Variants in KCTD14 observed in about 807,000 individuals in gnomAD.
The protein encoded by KCTD14 is BTB/POZ domain-containing protein KCTD14.
KCTD14 carries 7 observed loss-of-function variants against 5.9 expected under a neutral mutation model. The ratio of observed to expected loss-of-function variants is 1.19; its 90% confidence interval spans 0.68 to 2.23. The LOEUF (loss-of-function observed/expected upper bound fraction) is 2.23. Among genes scored for constraint, KCTD14 ranks in the 30% most tolerant of loss-of-function variants. The probability of loss-of-function intolerance (pLI) is 0.00; values close to 1 mark genes in which losing one functional copy is unlikely to be tolerated. For synonymous variants in KCTD14, 140 were observed against 133.1 expected (o/e 1.05, Z -0.36); for missense variants, 342 against 332.2 (o/e 1.03, Z -0.23).
In KCTD14 at chr11:78,016,432, A is replaced by G; in HGVS notation, c.*161T>C. Reference sequence around the variant, plus strand: ...AATATAGTGGCATCAGTTGCAATGGAGTGGAAAGTCCTTAAACGAGTGATC... The same window carrying G: ...AATATAGTGGCATCAGTTGCAATGGGGTGGAAAGTCCTTAAACGAGTGATC... On this transcript the variant is annotated 3_prime_UTR_variant, in exon 2 of 2. Transcript: ENST00000353172. The G allele has an allele frequency of 1.6e-6, 1 of 630,740 alleles. No homozygotes were observed. The highest frequency in any genetic ancestry group is 2.7e-6 in the Non-Finnish European group (1 of 365,194). 39.1% of individuals were successfully genotyped at this position (630,740 alleles called of 1,614,324 possible). A position where few individuals can be genotyped will look rare whatever the true frequency, so the allele number is the denominator to read the frequency against.
chr11:78,026,037 AT>A (rs1373469231), upstream of KCTD14, among the ~76,000 whole-genome samples: 3 of 152,216 alleles, frequency 2.0e-5, no homozygotes, highest in Non-Finnish European at 2.9e-5. Context: ...TTAAAAGTTT[AT>A]TTTGCCAAGG....
intron 2 of KCTD14, among the ~76,000 whole-genome samples, chr11:78,028,726 A>G (rs1333408614): frequency 1.3e-5 from 2 of 152,094 alleles, no homozygotes; most frequent in East Asian, 3.8e-4. Context: ...AGATCAGTTG[A>G]GCCCAGGAGT....
rs566309215 is a variant in KCTD14, at chr11:78,028,343, G to A, written c.-1+10321C>T. Among the ~76,000 whole-genome samples the A allele has an allele frequency of 3.2e-4, 48 of 152,208 alleles. No homozygotes were observed. The South Asian group carries it at 6.4e-3, about 20-fold the overall frequency. ...TAAGGGGCCAGGAGCAGTGGCTCGC[G>A]CCTGTAATCCCAGCACTTTGGGAGG... On this transcript the variant is annotated intron_variant, in intron 2 of 2. Coordinates refer to the KCTD14 transcript ENST00000533144.
intron 2 of KCTD14, among the ~76,000 whole-genome samples, chr11:78,033,901 G>GTACATATATATA (rs1555054301): frequency 3.5e-5 from 4 of 115,590 alleles, no homozygotes; most frequent in African/African-American, 1.0e-4. Context: ...GTGTGTGTGT[G>GTACATATATATA]TATATATATA....
At chr11:78,032,703 C>CTTTT (rs35820886) in intron 2 of KCTD14, among the ~76,000 whole-genome samples, 10 of 123,496 alleles carry the variant, frequency 8.1e-5, no homozygotes, top group Non-Finnish European at 1.1e-4. Flanking sequence ...TGATCTACTT[C>CTTTT]TTTTTTTTTT....
intron 1 of KCTD14, among the ~76,000 whole-genome samples, chr11:78,039,981 T>C (rs1370154310): frequency 6.6e-6 from 1 of 152,236 alleles, no homozygotes; most frequent in Non-Finnish European, 1.5e-5. Context: ...GCTAAGGCAC[T>C]GTGCAAGGAG....
At chr11:78,017,422 A>G (rs990676900) in intron 1 of KCTD14, 152 bp from the exon 2 acceptor site, 1 of 984,366 alleles carries the variant, frequency 1.0e-6, no homozygotes, top group African/African-American at 1.7e-5. Context: ...AGAGGGTTAT[A>G]TTTATGCTGT....
At chr11:78,022,806 A>C in intron 1 of KCTD14, 2 of 213,888 alleles carry the variant, frequency 9.4e-6, no homozygotes, top group Non-Finnish European at 1.9e-5. Context: ...ACCGGGAGCA[A>C]GGGAGAAGGT....
rs116953001 is a variant in KCTD14 at position 78,023,160 on chromosome 11, C to T, written c.90G>A (p.Thr30=). The stretch of plus-strand genomic sequence containing the variant: ...GGGACGCAGCTAGCCTCGCACTTAC[C>T]GTTGGCCGCCTGGGCCGGGGGGACT... ...LPQSPRPRRP[T]MSTVVELNVG... Residue 30 remains threonine (T), a splice_region_variant and synonymous_variant, in exon 1 of 2, where the codon ACG becomes ACA. Transcript: ENST00000353172. 1.9e-6 allele frequency: 3 copies of T among 1,583,374 alleles called. No homozygotes were observed. Among genetic ancestry groups the T allele is most frequent in the South Asian group, 2.2e-5 (2 of 89,516 alleles).
chr11:78,023,323 A>C (rs146526256), upstream of KCTD14: 2,717 of 1,477,748 alleles, frequency 1.8e-3, 58 homozygotes, highest in East Asian at 0.052. Context: ...TCAAGGCGGG[A>C]CGGGGCTGAG....
chr11:78,026,140 G>A (rs1345121200), upstream of KCTD14, among the ~76,000 whole-genome samples: 4 of 152,118 alleles, frequency 2.6e-5, no homozygotes, highest in Non-Finnish European at 4.4e-5. Flanking sequence ...TATTCAAGGA[G>A]ACATAAGACA....
chr11:78,041,546 A>C (rs1857993367), intron 1 of KCTD14, among the ~76,000 whole-genome samples: 1 of 152,224 alleles, frequency 6.6e-6, no homozygotes, highest in Non-Finnish European at 1.5e-5. Context: ...GATGATCAGG[A>C]TATAAACCCA....
chr11:78,028,928 G>T (rs2136729478), intron 2 of KCTD14, among the ~76,000 whole-genome samples: 1 of 152,090 alleles, frequency 6.6e-6, no homozygotes, highest in Non-Finnish European at 1.5e-5. Context: ...GTCAGGCACA[G>T]TGGCTCAGCA....
upstream of KCTD14, among the ~76,000 whole-genome samples, chr11:78,024,673 C>T (rs1472543936): frequency 2.6e-5 from 4 of 151,128 alleles, no homozygotes; most frequent in East Asian, 3.9e-4. Flanking sequence ...GGGTTGGACA[C>T]GGTTGCTCAC....
chr11:78,018,137 G>A (rs117285897), intron 1 of KCTD14, among the ~76,000 whole-genome samples: 6 of 152,178 alleles, frequency 3.9e-5, no homozygotes, highest in Admixed American at 2.6e-4. Context: ...ACAGAAGAAC[G>A]TTATGGGAAG....
At chr11:78,038,843 C>G (rs1475712509) in intron 1 of KCTD14, 4 of 1,474,878 alleles carry the variant, frequency 2.7e-6, no homozygotes, top group Non-Finnish European at 3.6e-6. Flanking sequence ...AGGCCAGGAG[C>G]CTGACTGGAG....
At position 78,042,366 on chromosome 11, in the gene KCTD14, G is replaced by A. The variant is rs571271819; in HGVS notation, c.-95-3608C>T. On this transcript the variant is annotated intron_variant, in intron 1 of 2. Transcript: ENST00000533144. ...CTATTAAAAATACAAGAATTAGCCA[G>A]GCGTGGTGGCGCATGTCTATAGTCC... 3.3e-5 allele frequency among the ~76,000 whole-genome samples: 5 copies of A among 152,282 alleles called. No individual in the cohort carries two copies. In the East Asian group the frequency reaches 9.7e-4, roughly 29 times the overall value.
At chr11:78,028,667 A>C (rs10793272) in intron 2 of KCTD14, among the ~76,000 whole-genome samples, 3 of 150,990 alleles carry the variant, frequency 2.0e-5, no homozygotes, top group Non-Finnish European at 4.4e-5. Flanking sequence ...GGAGCCAGGC[A>C]TGGTGACTCA....
chr11:78,015,767 G>A lies in KCTD14; in HGVS notation c.*826C>T, dbSNP rs1225793463. The A allele has an allele frequency of 6.6e-6, 1 of 152,284 alleles. No homozygotes were observed. Among genetic ancestry groups the A allele is most frequent in the Non-Finnish European group, 1.5e-5 (1 of 68,100 alleles). 9.4% of individuals were successfully genotyped at this position (152,284 alleles called of 1,614,324 possible). The stretch of plus-strand genomic sequence containing the variant: ...TGCTCTTAGGAGAAGGGGAGTGAGG[G>A]AAGCAGCGTAGGACAGAGGAAAAAA... On this transcript the variant is annotated 3_prime_UTR_variant, in exon 2 of 2. Coordinates refer to ENST00000353172, the MANE Select transcript of KCTD14 (RefSeq NM_023930.4).
Sources: gnomAD v4.1 joint callset for allele counts (sites outside exome capture counted in the v4.1 genomes callset) on GRCh38, gnomAD v4.1.1 for gene constraint, MANE v1.5 for transcripts, NCBI Gene and HGNC (gene_info 2026-07-23, HGNC 2026-07-21) for gene names.